DNM3: variants seen among roughly 807,000 people sequenced by gnomAD.
DNM3 encodes the protein dynamin 3.
Under a neutral mutation model 101.6 loss-of-function variants are expected in DNM3, and 47 were observed. The observed-to-expected ratio is 0.46, with a 90% CI of 0.37 to 0.59. DNM3 has a LOEUF of 0.59. Ranked by LOEUF, DNM3 falls within the 20% of genes least tolerant of loss-of-function variation. The pLI is 0.00. For synonymous variants in DNM3, 385 were observed against 387.9 expected, an observed-to-expected ratio of 0.99 and a Z score of 0.09; for missense variants, 849 against 1,085.7, an observed-to-expected ratio of 0.78 and a Z score of 3.06.
chr1:172,338,429 T>C (rs2066542223), intron 17 of DNM3, among the ~76,000 whole-genome samples: 1 of 151,984 alleles, frequency 6.6e-6, no homozygotes, highest in Admixed American at 6.5e-5. Context: ...GCCCTAAGTC[T>C]GGGTTTACCA....
chr1:172,201,910 C>T (rs1399066899), intron 14 of DNM3, among the ~76,000 whole-genome samples: 1 of 152,158 alleles, frequency 6.6e-6, no homozygotes, highest in East Asian at 1.9e-4. Context: ...TTTGGTTCCA[C>T]TCCAATTTCT....
chr1:172,005,296 G>A lies in DNM3; in HGVS notation c.589+16148G>A, dbSNP rs1053249646. The stretch of plus-strand genomic sequence containing the variant: ...TTGATAAACTATATAAAAGTGTTAC[G>A]TAAAAATAATTTGTTAAGTTGGTTA... On this transcript the variant is annotated intron_variant, in intron 4 of 20. Transcript: ENST00000627582. Among the ~76,000 whole-genome samples, 73 of 152,110 alleles carry A rather than the reference G, an allele frequency of 4.8e-4. 1 individual carries two copies. Among genetic ancestry groups the A allele is most frequent in the African/African-American group, 1.3e-3 (56 of 41,500 alleles).
intron 1 of DNM3, among the ~76,000 whole-genome samples, chr1:171,883,557 C>T (rs1000740419): frequency 5.9e-5 from 9 of 151,850 alleles, no homozygotes; most frequent in South Asian, 2.1e-4. Context: ...CTGCAACTTC[C>T]GCCTCCCGGG....
At chr1:171,860,389 A>C (rs765533340) in intron 1 of DNM3, among the ~76,000 whole-genome samples, 1 of 152,174 alleles carries the variant, frequency 6.6e-6, no homozygotes, top group Non-Finnish European at 1.5e-5. Flanking sequence ...TACACATGAA[A>C]TTTCAAAGAT....
intron 14 of DNM3, 55 bp from the exon 15 acceptor site, chr1:172,253,514 CCTCT>C: frequency 2.0e-6 from 2 of 1,008,112 alleles, no homozygotes. Context: ...CCTCTCCTCT[CCTCT>C]CCTCTCCTCT....
intron 14 of DNM3, among the ~76,000 whole-genome samples, chr1:172,141,134 G>A (rs1398338456): frequency 2.0e-5 from 3 of 151,980 alleles, no homozygotes; most frequent in Non-Finnish European, 2.9e-5. Flanking sequence ...TGGCTGTCAC[G>A]CTAAGTCAAA....
chr1:172,274,553 C>G (rs12119047), intron 15 of DNM3, among the ~76,000 whole-genome samples: 2 of 151,994 alleles, frequency 1.3e-5, no homozygotes, highest in Non-Finnish European at 2.9e-5. Flanking sequence ...TGTGATAGAT[C>G]TGAGAAGTGA....
At chr1:172,061,487 G>T (rs941040392) in intron 10 of DNM3, among the ~76,000 whole-genome samples, 1 of 151,294 alleles carries the variant, frequency 6.6e-6, no homozygotes, top group African/African-American at 2.4e-5. Flanking sequence ...AGAAAATGTG[G>T]CATATATACA....
intron 14 of DNM3, among the ~76,000 whole-genome samples, chr1:172,198,010 C>T (rs928359217): frequency 2.0e-5 from 3 of 152,054 alleles, no homozygotes; most frequent in Non-Finnish European, 2.9e-5. Context: ...ATGCTTCCAA[C>T]TTTTTCCCAT....
intron 14 of DNM3, among the ~76,000 whole-genome samples, chr1:172,228,856 T>C (rs144587579): frequency 2.0e-5 from 3 of 152,246 alleles, no homozygotes; most frequent in African/African-American, 7.2e-5. Context: ...AATGGTTGAT[T>C]TGGAGTGCAG....
At chr1:172,316,884 C>T (rs902578981) in intron 16 of DNM3, among the ~76,000 whole-genome samples, 6 of 152,140 alleles carry the variant, frequency 3.9e-5, no homozygotes, top group Admixed American at 6.5e-5. Context: ...CTGCACCAAG[C>T]GGACCTAATA....
downstream of DNM3, among the ~76,000 whole-genome samples, chr1:172,413,761 T>C (rs1483971052): frequency 6.6e-6 from 1 of 152,208 alleles, no homozygotes; most frequent in Non-Finnish European, 1.5e-5. Context: ...GCATGCTCAT[T>C]GTGAAAAGAT....
At chr1:171,945,943 G>A (rs1206840347) in intron 2 of DNM3, among the ~76,000 whole-genome samples, 1 of 152,158 alleles carries the variant, frequency 6.6e-6, no homozygotes, top group Non-Finnish European at 1.5e-5. Flanking sequence ...CATGCTATAG[G>A]AAACTAAAGA....
intron 10 of DNM3, among the ~76,000 whole-genome samples, chr1:172,067,772 G>T (rs968964155): frequency 2.6e-5 from 4 of 152,142 alleles, no homozygotes; most frequent in East Asian, 1.9e-4. Context: ...TTTAGATGGG[G>T]TTAAGTGATT....
chr1:172,220,990 G>A (rs568984981), intron 14 of DNM3, among the ~76,000 whole-genome samples: 78 of 152,232 alleles, frequency 5.1e-4, no homozygotes, highest in African/African-American at 1.8e-3. Flanking sequence ...TTGGGATTAC[G>A]TGAGAGTTGC....
At chr1:172,075,493 G>T (rs2052578160) in intron 11 of DNM3, among the ~76,000 whole-genome samples, 1 of 152,132 alleles carries the variant, frequency 6.6e-6, no homozygotes, top group East Asian at 1.9e-4. Context: ...TTTTGTATAA[G>T]GTGTAAGGAA....
chr1:172,388,468 A>T, intron 19 of DNM3, 105 bp from the exon 20 acceptor site: 1 of 985,824 alleles, frequency 1.0e-6, no homozygotes, highest in Non-Finnish European at 1.5e-6. Flanking sequence ...GGACTTATTC[A>T]GTCAAAAAAT....
intron 15 of DNM3, among the ~76,000 whole-genome samples, chr1:172,264,304 A>T (rs557273552): frequency 3.3e-5 from 5 of 152,306 alleles, no homozygotes; most frequent in African/African-American, 1.2e-4. Context: ...AATTTATTGA[A>T]CTGGACTTAC....
intron 4 of DNM3, among the ~76,000 whole-genome samples, chr1:171,991,524 A>G (rs181874269): frequency 4.6e-5 from 7 of 152,278 alleles, no homozygotes; most frequent in Admixed American, 4.6e-4. Context: ...TGGAGCTTCC[A>G]TGTTCTCTCC....
Sources: allele counts gnomAD v4.1 joint callset (sites outside exome capture counted in the v4.1 genomes callset), GRCh38; gene constraint gnomAD v4.1.1; transcripts MANE v1.5; gene names NCBI Gene and HGNC (gene_info 2026-07-23, HGNC 2026-07-21).